Variants in CLUL1 observed in about 807,000 individuals in gnomAD.
The protein encoded by CLUL1 is clusterin like 1.
Under a neutral mutation model 49.4 loss-of-function variants are expected in CLUL1, and 43 were observed. The observed-to-expected ratio is 0.87, with a 90% CI of 0.68 to 1.12. The LOEUF (loss-of-function observed/expected upper bound fraction) is 1.12. Among genes scored for constraint, CLUL1 ranks in the 50% most tolerant of loss-of-function variants. The pLI is 0.00. For synonymous variants in CLUL1, 192 were observed against 184.9 expected (o/e 1.04, Z -0.31); for missense variants, 486 against 544.4 (o/e 0.89, Z 1.07).
chr18:644,460 A>G (rs960705036), intron 8 of CLUL1, among the ~76,000 whole-genome samples: 8 of 152,252 alleles, frequency 5.3e-5, no homozygotes, highest in African/African-American at 1.4e-4. Flanking sequence ...TGGCACAGAC[A>G]GTAATACTCA....
chr18:617,595 CAAAAAAAAA>C (rs11422881), intron 2 of CLUL1, among the ~76,000 whole-genome samples: 1 of 82,052 alleles, frequency 1.2e-5, no homozygotes, highest in African/African-American at 5.2e-5. Context: ...AACTCCGTCT[CAAAAAAAAA>C]AAAAAAAAAA....
chr18:649,107 T>C (rs1358809090), intron 9 of CLUL1, among the ~76,000 whole-genome samples: 1 of 152,214 alleles, frequency 6.6e-6, no homozygotes, highest in African/African-American at 2.4e-5. Flanking sequence ...CTTGGTATCA[T>C]GGATAAAATT....
intron 1 of CLUL1, among the ~76,000 whole-genome samples, chr18:602,465 C>T (rs2072860603): frequency 6.6e-6 from 1 of 152,168 alleles, no homozygotes; most frequent in South Asian, 2.1e-4. Flanking sequence ...TGTTCCTCTG[C>T]AATTGCAGTT....
At chr18:647,689 C>A (rs900775450) in intron 9 of CLUL1, among the ~76,000 whole-genome samples, 1 of 152,108 alleles carries the variant, frequency 6.6e-6, no homozygotes, top group Non-Finnish European at 1.5e-5. Flanking sequence ...ATGTAGTACC[C>A]CTTTGTTTAG....
rs576378867 is a variant in CLUL1, at chr18:638,412, C to A, written c.995-2915C>A. ...AAATGCACCTGATAATCAATATGCA[C>A]CAGATAATGGACACAGTATACATCA... On this transcript the variant is annotated intron_variant, in intron 7 of 9. Transcript: ENST00000692774. 3.7e-4 allele frequency among the ~76,000 whole-genome samples: 56 copies of A among 152,216 alleles called. No homozygotes were observed. The South Asian group carries it at 0.011, about 30-fold the overall frequency.
At chr18:645,788 T>C (rs1442748312) in intron 9 of CLUL1, among the ~76,000 whole-genome samples, 2 of 34,910 alleles carry the variant, frequency 5.7e-5, no homozygotes, top group African/African-American at 1.5e-4. Context: ...AGCGAGACTC[T>C]GTTTAAAAAA....
At chr18:628,639 CTTT>C (rs577855173) in intron 6 of CLUL1, among the ~76,000 whole-genome samples, 2 of 137,566 alleles carry the variant, frequency 1.5e-5, no homozygotes, top group Non-Finnish European at 3.2e-5. Flanking sequence ...TTTCTTTTTT[CTTT>C]TTTTTTTTTT....
chr18:640,425 A>G (rs993697999), intron 7 of CLUL1, among the ~76,000 whole-genome samples: 4 of 150,362 alleles, frequency 2.7e-5, no homozygotes, highest in African/African-American at 4.9e-5. Flanking sequence ...AAAAGAAAAG[A>G]AAAAAGAAAA....
chr18:613,320 G>A lies in CLUL1; in HGVS notation c.-13-4668G>A, dbSNP rs898395871. The A allele has an allele frequency of 1.1e-4, 38 of 340,550 alleles. 1 individual carries two copies. Among genetic ancestry groups the A allele is most frequent in the African/African-American group, 7.7e-4 (36 of 46,770 alleles). 21.1% of individuals were successfully genotyped at this position (340,550 alleles called of 1,614,324 possible). ...CACCCAGCTAATTTTTGTATTTTTA[G>A]TAAAGATGGGCTTTCACCATGTTGG... On this transcript the variant is annotated intron_variant, in intron 2 of 9. Transcript: ENST00000692774.
chr18:641,740 C>T (rs1286153800), intron 8 of CLUL1, among the ~76,000 whole-genome samples, 199 bp downstream of exon 8: 2 of 152,130 alleles, frequency 1.3e-5, no homozygotes, highest in Admixed American at 6.5e-5. Context: ...TAAAGAAAAT[C>T]AATTTAAAAC....
chr18:620,577 T>C (rs1337097480), intron 4 of CLUL1, among the ~76,000 whole-genome samples: 2 of 152,242 alleles, frequency 1.3e-5, no homozygotes, highest in African/African-American at 4.8e-5. Flanking sequence ...CACATACAGT[T>C]GGGCACACAC....
chr18:641,249 C>T, intron 7 of CLUL1, 78 bp from the exon 8 acceptor site: 2 of 1,188,102 alleles, frequency 1.7e-6, no homozygotes, highest in South Asian at 1.3e-5. Context: ...AATGTAAGGG[C>T]TGGGACTTAA....
At chr18:645,810 A>AAAAAAAATATAT (rs1451607900) in intron 9 of CLUL1, among the ~76,000 whole-genome samples, 2 of 29,870 alleles carry the variant, frequency 6.7e-5, no homozygotes, top group Admixed American at 5.1e-4. Flanking sequence ...AAAAAAAAAA[A>AAAAAAAATATAT]ATATATATAT....
rs36222515 is a variant in CLUL1 at position 630,672 on chromosome 18, C to CTTTTTTTTTTTTTTT, written c.857-2607_857-2593dup. On this transcript the variant is annotated intron_variant, in intron 6 of 9. Coordinates refer to ENST00000692774, the MANE Select transcript of CLUL1 (RefSeq NM_001393344.1). ...CGCAAAAAACTAGCCCTACTGACAT[C>CTTTTTTTTTTTTTTT]TTTTTTTTTTTTTTTTTTTTTTTTT... Among the ~76,000 whole-genome samples the CTTTTTTTTTTTTTTT allele has an allele frequency of 1.5e-4, 9 of 61,998 alleles. 1 individual carries two copies. Among genetic ancestry groups the CTTTTTTTTTTTTTTT allele is most frequent in the African/African-American group, 6.5e-4 (9 of 13,884 alleles). 40.7% of individuals were successfully genotyped at this position (61,998 alleles called of 152,430 possible).
rs185924680 is a variant in CLUL1, at chr18:612,569, T to C, written c.-13-5419T>C. Among the ~76,000 whole-genome samples, 528 of 152,320 alleles carry C rather than the reference T, an allele frequency of 3.5e-3. 2 individuals carry two copies. Among genetic ancestry groups the C allele is most frequent in the Middle Eastern group, 0.02 (6 of 294 alleles). On this transcript the variant is annotated intron_variant, in intron 2 of 9. Coordinates refer to ENST00000692774, the MANE Select transcript of CLUL1 (RefSeq NM_001393344.1). ...TTCATTTTGCACTGGGTCCTGAAAA[T>C]TGTGTAGCTGGCTCTACTTTCAGGG...
At position 618,647 on chromosome 18, in the gene CLUL1, C is replaced by T. The variant is rs990484766; in HGVS notation, c.106+541C>T. On this transcript the variant is annotated intron_variant, in intron 3 of 9. Coordinates refer to ENST00000692774, the MANE Select transcript of CLUL1 (RefSeq NM_001393344.1). The surrounding 1 kb of genome is among the most constrained non-coding windows in gnomAD (Gnocchi z 4.2). ...TAATAATCAGAGTCAAGAATGAGCT[C>T]CTCAGTAGGCCACGTTGGCTATTTT... is the stretch of plus-strand genomic sequence containing the variant. Among the ~76,000 whole-genome samples the T allele has an allele frequency of 6.6e-6, 1 of 152,192 alleles. No individual in the cohort carries two copies. The highest frequency in any genetic ancestry group is 6.5e-5 in the Admixed American group (1 of 15,284).
chr18:617,757 G>C (rs1013511117), intron 2 of CLUL1, among the ~76,000 whole-genome samples: 3 of 134,560 alleles, frequency 2.2e-5, no homozygotes, highest in African/African-American at 5.0e-5. Flanking sequence ...CACATGGCGG[G>C]CTTTTTTAAC....
Position 641,412 on chromosome 18 carries a change from T to G in CLUL1, c.1080T>G (p.Ile360Met). 6.2e-7 allele frequency: 1 copy of G among 1,614,154 alleles called. No homozygotes were observed. Among genetic ancestry groups the G allele is most frequent in the Non-Finnish European group, 8.5e-7 (1 of 1,180,028 alleles). The change falls in exon 8 of 10, where the codon ATT (isoleucine) becomes ATG (methionine). Residue 360 changes from isoleucine to methionine, a missense_variant. Ile to Met is a conservative substitution (Grantham distance 10). Coordinates refer to ENST00000692774, the MANE Select transcript of CLUL1 (RefSeq NM_001393344.1). ...TATCCAATCAGCAGTATGGCCAGAT[T>G]CTCCAGATGACCCGGAAGCACTTGG... is the stretch of plus-strand genomic sequence containing the variant. ...VNVSNQQYGQ[I>M]LQMTRKHLED... is the part of the protein sequence containing the mutation.
chr18:614,837 T>C (rs949212200), intron 2 of CLUL1: 1 of 152,238 alleles, frequency 6.6e-6, no homozygotes, highest in Non-Finnish European at 1.5e-5. Context: ...ATAGGCTTCC[T>C]AGTCTGCTCC....
Sources: allele counts gnomAD v4.1 joint callset (sites outside exome capture counted in the v4.1 genomes callset), GRCh38; gene constraint gnomAD v4.1.1; non-coding constraint Gnocchi (gnomAD v3.1); transcripts MANE v1.5; gene names NCBI Gene and HGNC (gene_info 2026-07-23, HGNC 2026-07-21).